REV3L: variants seen among roughly 807,000 people sequenced by gnomAD.
REV3L encodes REV3 like, DNA directed polymerase zeta catalytic subunit, also known as DNA polymerase zeta catalytic subunit.
A neutral mutation model predicts 299.4 loss-of-function variants in REV3L; 69 were observed. That is an observed-to-expected ratio of 0.23 (90% CI 0.19 to 0.28). REV3L has a LOEUF of 0.28. REV3L is among the 10% of genes least tolerant of loss of function. The probability of loss-of-function intolerance (pLI) is 1.00; values close to 1 mark genes in which losing one functional copy is unlikely to be tolerated. For missense variants in REV3L, 3,128 were observed against 3,693.8 expected, an observed-to-expected ratio of 0.85 and a Z score of 3.97; for synonymous variants, 1,238 against 1,271.4, an observed-to-expected ratio of 0.97 and a Z score of 0.56.
chr6:111,311,014 T>G (rs574493712), intron 29 of REV3L, 55 bp downstream of exon 29: 1 of 1,444,950 alleles, frequency 6.9e-7, no homozygotes, highest in South Asian at 1.5e-5. Flanking sequence ...TTGGGTCTTC[T>G]AGACCTGTGC....
chr6:111,430,590 C>T, intron 1 of REV3L: 1 of 1,550,232 alleles, frequency 6.5e-7, no homozygotes, highest in Non-Finnish European at 8.9e-7. Context: ...AACTCAAAAG[C>T]AGGAAGACAG....
chr6:111,332,557 G>A (rs907101914), intron 23 of REV3L, among the ~76,000 whole-genome samples: 8 of 152,028 alleles, frequency 5.3e-5, no homozygotes, highest in African/African-American at 1.9e-4. Flanking sequence ...AAGGAATATA[G>A]GATATACTAA....
chr6:111,307,807 A>T (rs532816966), intron 30 of REV3L: 15 of 464,674 alleles, frequency 3.2e-5, no homozygotes, highest in South Asian at 3.0e-4. Flanking sequence ...TTTTTTTTTT[A>T]TTATTATAAT....
Position 111,390,136 on chromosome 6 carries a change from A to AT in REV3L, c.706_707insA (p.Leu236TyrfsTer9). On this transcript the variant is annotated frameshift_variant, in exon 6 of 32. Coordinates refer to ENST00000368802, the MANE Select transcript of REV3L (RefSeq NM_001372078.1). LOFTEE classifies it high-confidence loss of function. ...ATCAGCAGCTACAGCATCCACTTCT[A>AT]ATTCACATGTACTCTGTGGTTCAAC... 6.2e-7 allele frequency: 1 copy of AT among 1,611,342 alleles called. No individual in the cohort carries two copies. Among genetic ancestry groups the AT allele is most frequent in the South Asian group, 1.1e-5 (1 of 91,006 alleles).
At chr6:111,381,756 A>G (rs991773102) in intron 9 of REV3L, among the ~76,000 whole-genome samples, 6 of 152,198 alleles carry the variant, frequency 3.9e-5, no homozygotes, top group Admixed American at 3.9e-4. Context: ...GTGAAAAGGA[A>G]AGATAAACTA....
intron 1 of REV3L, among the ~76,000 whole-genome samples, chr6:111,440,219 G>A (rs946738933): frequency 6.6e-6 from 1 of 152,006 alleles, no homozygotes; most frequent in Non-Finnish European, 1.5e-5. Flanking sequence ...ACAGGCATGC[G>A]CCACCATGCC....
At position 111,299,229 on chromosome 6, in the gene REV3L, GAA is replaced by G. The variant is rs1771201199; in HGVS notation, c.*785_*786del. 1 of 152,384 alleles carries G rather than the reference GAA, an allele frequency of 6.6e-6. No individual in the cohort carries two copies. Among genetic ancestry groups the G allele is most frequent in the African/African-American group, 2.4e-5 (1 of 41,376 alleles). 9.4% of individuals were successfully genotyped at this position (152,384 alleles called of 1,614,324 possible). The stretch of plus-strand genomic sequence containing the variant: ...ATTAACTGTACAGTACATAAGGAAA[GAA>G]AATATTTTAAGTATATTTAGAAGCA... On this transcript the variant is annotated 3_prime_UTR_variant, in exon 32 of 32. Coordinates refer to ENST00000368802, the MANE Select transcript of REV3L (RefSeq NM_001372078.1).
chr6:111,302,001 G>A (rs146379687), intron 31 of REV3L, among the ~76,000 whole-genome samples: 22 of 152,314 alleles, frequency 1.4e-4, no homozygotes, highest in East Asian at 5.8e-4. Flanking sequence ...AATCAAATAC[G>A]CTCTAGTGAA....
intron 22 of REV3L, among the ~76,000 whole-genome samples, chr6:111,335,058 TA>T (rs1480256713): frequency 1.3e-5 from 2 of 152,194 alleles, no homozygotes; most frequent in Non-Finnish European, 2.9e-5. Flanking sequence ...TCTTTTTTTA[TA>T]ACATTTAAAA....
intron 1 of REV3L, among the ~76,000 whole-genome samples, chr6:111,460,772 C>G (rs563159679): frequency 6.6e-6 from 1 of 152,052 alleles, no homozygotes; most frequent in Non-Finnish European, 1.5e-5. Context: ...ATAACTGTCT[C>G]TAAAGCAAAA....
intron 1 of REV3L, among the ~76,000 whole-genome samples, chr6:111,441,284 G>A (rs1344393628): frequency 6.6e-6 from 1 of 151,944 alleles, no homozygotes; most frequent in East Asian, 1.9e-4. Context: ...ACAGGGTCTC[G>A]CTCTGTCACT....
At position 111,367,274 on chromosome 6, in the gene REV3L, G is replaced by A. The variant is rs1227908803; in HGVS notation, c.6514C>T (p.Pro2172Ser). The change falls in exon 14 of 32, where the codon CCC becomes TCC. Residue 2172 changes from proline to serine, a missense_variant. Around this residue, in one of 9 missense-constraint regions of REV3L, gnomAD observed 2,409 missense variants for 2,611.8 expected, o/e 0.92. Coordinates refer to ENST00000368802, the MANE Select transcript of REV3L (RefSeq NM_001372078.1). ...AGAGGCTCTTGAGGCTCACTGCAGG[G>A]GCTTTTTTGTATACCATCTTTTATT... ...KPIKDGIQKS[P>S]CSEPQEPLVI... The A allele has an allele frequency of 6.2e-7, 1 of 1,612,834 alleles. No individual in the cohort carries two copies. The highest frequency in any genetic ancestry group is 1.3e-5 in the African/African-American group (1 of 74,752).
intron 1 of REV3L, chr6:111,430,808 C>G: frequency 6.2e-7 from 1 of 1,608,604 alleles, no homozygotes; most frequent in South Asian, 1.1e-5. Flanking sequence ...TGGAGGAAAG[C>G]TGACCAGGCG....
Position 111,377,737 on chromosome 6 carries a change from T to C in REV3L, c.1561A>G (p.Ile521Val), listed in dbSNP as rs371152199. Residue 521 changes from isoleucine to valine, a missense_variant, in exon 12 of 32, where the codon ATA becomes GTA. Ile to Val is a conservative substitution (Grantham distance 29). Transcript: ENST00000368802. ...TCTGCAGTTCCATCTAACTGAGGTA[T>C]AGAAAGACTGGCTAGAAGCAAACTG... Reference protein sequence around the residue: ...DNSLLLASLSIPQLDGTADEN... With the variant: ...DNSLLLASLSVPQLDGTADEN... 8.7e-6 allele frequency: 14 copies of C among 1,613,852 alleles called. No individual in the cohort carries two copies. Among genetic ancestry groups the C allele is most frequent in the African/African-American group, 6.7e-5 (5 of 74,930 alleles).
Position 111,299,753 on chromosome 6 carries a change from A to T in REV3L, c.*263T>A, listed in dbSNP as rs1771273153. The T allele has an allele frequency of 3.6e-6, 1 of 274,202 alleles. No individual in the cohort carries two copies. Among genetic ancestry groups the T allele is most frequent in the African/African-American group, 2.2e-5 (1 of 44,952 alleles). The allele number at this position is 274,202 out of a possible 1,614,324, so 17.0% of individuals were successfully genotyped here. ...TACTCAAATGAATTTACAAGATGGT[A>T]CACATACTGGAGCAAATCCAACACC... On this transcript the variant is annotated 3_prime_UTR_variant, in exon 32 of 32. Coordinates refer to ENST00000368802, the MANE Select transcript of REV3L (RefSeq NM_001372078.1).
At chr6:111,440,959 T>C (rs1328798384) in intron 1 of REV3L, among the ~76,000 whole-genome samples, 2 of 152,364 alleles carry the variant, frequency 1.3e-5, no homozygotes, top group African/African-American at 2.4e-5. Context: ...AGAAGTCCGA[T>C]GTAATTTTTG....
At chr6:111,358,366 TAGTA>T (rs1778310061) in intron 17 of REV3L, among the ~76,000 whole-genome samples, 1 of 152,164 alleles carries the variant, frequency 6.6e-6, no homozygotes, top group Non-Finnish European at 1.5e-5. Context: ...TCTGTATTAG[TAGTA>T]AGTATTTTTA....
chr6:111,302,693 T>C (rs1046883783), intron 31 of REV3L, among the ~76,000 whole-genome samples: 4 of 152,208 alleles, frequency 2.6e-5, no homozygotes, highest in African/African-American at 9.6e-5. Flanking sequence ...TCACCTGAGG[T>C]CAGGAGTTTG....
chr6:111,430,837 C>T, intron 1 of REV3L: 1 of 1,608,220 alleles, frequency 6.2e-7, no homozygotes, highest in Non-Finnish European at 8.5e-7. Context: ...ACAGTCAGTG[C>T]AAATTGGAAA....
Sources: gnomAD v4.1 joint callset for allele counts (sites outside exome capture counted in the v4.1 genomes callset) on GRCh38, gnomAD v4.1.1 for gene constraint, gnomAD v4.1.1 regional missense constraint, MANE v1.5 for transcripts, NCBI Gene and HGNC (gene_info 2026-07-23, HGNC 2026-07-21) for gene names.